The following MYCBP2 variants were observed in gnomAD, a reference collection of about 807,000 sequenced individuals.
MYCBP2 encodes E3 ubiquitin-protein ligase MYCBP2.
Under a neutral mutation model 525.3 loss-of-function variants are expected in MYCBP2, and 120 were observed. The observed-to-expected ratio is 0.23, with a 90% CI of 0.20 to 0.27. The LOEUF (loss-of-function observed/expected upper bound fraction) is 0.27. Among genes scored for constraint, MYCBP2 ranks in the 10% least tolerant of loss-of-function variants. The pLI is 1.00. For synonymous variants in MYCBP2, 1,894 were observed against 1,955.8 expected (o/e 0.97, Z 0.83); for missense variants, 4,149 against 5,657.1 (o/e 0.73, Z 8.55).
rs145021130 is a variant in MYCBP2, at chr13:77,081,634, C to A, written c.11211G>T (p.Met3737Ile). Residue 3737 changes from methionine (M) to isoleucine (I), a missense_variant, in exon 65 of 83, where the codon ATG becomes ATT. Met to Ile is a conservative substitution (Grantham distance 10, BLOSUM62 1). Around this residue, in one of 21 missense-constraint regions of MYCBP2, gnomAD observed 509 missense variants for 789.4 expected, o/e 0.64. Coordinates refer to ENST00000544440, the MANE Select transcript of MYCBP2 (RefSeq NM_015057.5). This position sits in a 1 kb window ranked among gnomAD's most constrained non-coding sequence, Gnocchi z 4.6. ...CAATGCTGGTTAAGTCCTTTAAGCA[C>A]ATTACTATGCATAATTCCTATCAGA... ...EAMSQELCIV[M>I]CLKDLTSIVD... 6 of 1,609,098 alleles carry A rather than the reference C, an allele frequency of 3.7e-6. No individual in the cohort carries two copies. The highest frequency in any genetic ancestry group is 1.3e-5 in the African/African-American group (1 of 74,568).
At chr13:77,130,546 T>C (rs7998168) in intron 52 of MYCBP2, among the ~76,000 whole-genome samples, 11 of 151,954 alleles carry the variant, frequency 7.2e-5, no homozygotes, top group African/African-American at 2.7e-4. Context: ...TACAAATAAA[T>C]GTAAACCAAA....
At chr13:77,119,612 T>C (rs1317005385) in intron 55 of MYCBP2, among the ~76,000 whole-genome samples, 1 of 152,314 alleles carries the variant, frequency 6.6e-6, no homozygotes, top group East Asian at 1.9e-4. Context: ...GGAACTACTG[T>C]TACAGATAAT....
rs956522232 is a variant in MYCBP2 at position 77,243,195 on chromosome 13, C to T, written c.2528-35G>A. The T allele has an allele frequency of 1.0e-5, 15 of 1,431,466 alleles. No individual in the cohort carries two copies. The African/African-American group carries it at 2.0e-4, about 19-fold the overall frequency. 88.7% of individuals were successfully genotyped at this position (1,431,466 alleles called of 1,614,324 possible). On this transcript the variant is annotated intron_variant, in intron 16 of 82. Coordinates refer to ENST00000544440, the MANE Select transcript of MYCBP2 (RefSeq NM_015057.5). ...TGGCCAAAAACAACAACAACAACAACATATATGTTATATAATAGCTATGAC... is the reference window on the plus strand; with the variant it reads ...TGGCCAAAAACAACAACAACAACAATATATATGTTATATAATAGCTATGAC...
intron 2 of MYCBP2, 67 bp downstream of exon 2, chr13:77,296,532 C>A: frequency 6.8e-7 from 1 of 1,480,686 alleles, no homozygotes; most frequent in Non-Finnish European, 8.9e-7. Flanking sequence ...ATTTTTTAAT[C>A]TTGGCATTTT....
At chr13:77,282,388 C>A (rs2076284137) in intron 3 of MYCBP2, among the ~76,000 whole-genome samples, 2 of 145,220 alleles carry the variant, frequency 1.4e-5, no homozygotes, top group African/African-American at 2.6e-5. Flanking sequence ...TCAGCCTGGG[C>A]AAGCAGAGTG....
In MYCBP2 at chr13:77,185,416, T is replaced by C. The variant is rs557370262; in HGVS notation, c.4445-39A>G. The C allele has an allele frequency of 1.9e-6, 3 of 1,571,632 alleles. No homozygotes were observed. The South Asian group carries it at 3.5e-5, about 19-fold the overall frequency. The stretch of plus-strand genomic sequence containing the variant: ...AAAGCAGATTGGTAATTAAGCAAAA[T>C]ATTAAATATGCATGAAAACAATCAA... On this transcript the variant is annotated intron_variant, in intron 31 of 82. Transcript: ENST00000544440.
intron 80 of MYCBP2, among the ~76,000 whole-genome samples, chr13:77,052,324 G>A (rs1009062100): frequency 6.6e-6 from 1 of 152,224 alleles, no homozygotes; most frequent in East Asian, 1.9e-4. Flanking sequence ...TCAGCCTCCT[G>A]AGTGGCTAGG....
chr13:77,322,998 C>T (rs2081870800), intron 1 of MYCBP2, among the ~76,000 whole-genome samples: 1 of 152,186 alleles, frequency 6.6e-6, no homozygotes, highest in African/African-American at 2.4e-5. Context: ...CTTGCCTTCT[C>T]TTCAAGTCCC....
At chr13:77,073,102 C>T (rs2041668186) in intron 68 of MYCBP2, among the ~76,000 whole-genome samples, 1 of 152,004 alleles carries the variant, frequency 6.6e-6, no homozygotes, top group African/African-American at 2.4e-5. Context: ...AATATTACAG[C>T]ATTTTTATTA....
In MYCBP2 at chr13:77,045,336, T is replaced by C. The variant is rs143710456; in HGVS notation, c.*42A>G. ...AACTTCACCGCATCCTCTTGGGGGA[T>C]GAAGGCAATTTTTCTCTCTGTAGAC... On this transcript the variant is annotated 3_prime_UTR_variant, in exon 83 of 83. Coordinates refer to ENST00000544440, the MANE Select transcript of MYCBP2 (RefSeq NM_015057.5). 5,166 of 1,456,756 alleles carry C rather than the reference T, an allele frequency of 3.5e-3. 112 individuals carry two copies. In the South Asian group the frequency reaches 0.039, roughly 11 times the overall value. 90.2% of individuals were successfully genotyped at this position (1,456,756 alleles called of 1,614,324 possible).
At chr13:77,282,147 A>G (rs982877309) in intron 3 of MYCBP2, among the ~76,000 whole-genome samples, 5 of 152,196 alleles carry the variant, frequency 3.3e-5, no homozygotes, top group African/African-American at 7.2e-5. Context: ...GTGGTAGCTC[A>G]CACCTATAAT....
At chr13:77,244,470 A>C (rs1356433990) in intron 15 of MYCBP2, among the ~76,000 whole-genome samples, 1 of 152,218 alleles carries the variant, frequency 6.6e-6, no homozygotes, top group Non-Finnish European at 1.5e-5. Context: ...ATATGCAGAA[A>C]ACTGAAACTG....
At chr13:77,243,552 G>A (rs1240221964) in intron 16 of MYCBP2, among the ~76,000 whole-genome samples, 1 of 151,474 alleles carries the variant, frequency 6.6e-6, no homozygotes, top group African/African-American at 2.4e-5. Context: ...GGCGGAGGTT[G>A]CAGTGAGCTG....
rs377363501 is a variant in MYCBP2, at chr13:77,087,846, T to C, written c.10726-213A>G. 3.2e-5 allele frequency: 13 copies of C among 406,272 alleles called. No homozygotes were observed. In the East Asian group the frequency reaches 4.6e-4, roughly 14 times the overall value. 25.2% of individuals were successfully genotyped at this position (406,272 alleles called of 1,614,324 possible). On this transcript the variant is annotated intron_variant, in intron 61 of 82. Coordinates refer to ENST00000544440, the MANE Select transcript of MYCBP2 (RefSeq NM_015057.5). ...CCCAGGTTGGAGTACAGTGGTGTGA[T>C]CATGGCTCACTGCAGCCTCAAGCAC... is the stretch of plus-strand genomic sequence containing the variant.
At chr13:77,174,201 T>C in intron 37 of MYCBP2, 110 bp downstream of exon 37, 1 of 871,306 alleles carries the variant, frequency 1.1e-6, no homozygotes, top group Non-Finnish European at 1.7e-6. Flanking sequence ...GCTAAGAAGA[T>C]ACACTGTACA....
intron 82 of MYCBP2, among the ~76,000 whole-genome samples, chr13:77,048,497 C>T (rs1566264402): frequency 1.3e-5 from 2 of 152,140 alleles, no homozygotes; most frequent in African/African-American, 2.4e-5. Flanking sequence ...GGCCATCTTC[C>T]CTACTCACAT....
At chr13:77,294,566 G>A (rs1214707510) in intron 2 of MYCBP2, among the ~76,000 whole-genome samples, 1 of 151,952 alleles carries the variant, frequency 6.6e-6, no homozygotes, top group African/African-American at 2.4e-5. Context: ...ACCTCTTCCT[G>A]GATATCATAT....
chr13:77,200,599 C>T (rs963270684), intron 26 of MYCBP2, among the ~76,000 whole-genome samples: 1 of 152,036 alleles, frequency 6.6e-6, no homozygotes, highest in Admixed American at 6.5e-5. Context: ...GTCAGATTTA[C>T]CAAAGTTGAA....
Position 77,190,308 on chromosome 13 carries a change from C to A in MYCBP2, c.4098G>T (p.Lys1366Asn). The A allele has an allele frequency of 6.2e-7, 1 of 1,609,196 alleles. No homozygotes were observed. ...TAACATCTGTACCATTATTTGATTT[C>A]TTTGAACTCTTGAACTGGAAAACAA... Reference protein sequence around the residue: ...DGVVFQFKSSKKSNNGTDVNA... With the variant: ...DGVVFQFKSSNKSNNGTDVNA... The change falls in exon 29 of 83, where the codon AAG becomes AAT. Residue 1366 changes from lysine (K) to asparagine (N), a missense_variant. Coordinates refer to ENST00000544440, the MANE Select transcript of MYCBP2 (RefSeq NM_015057.5).
Sources: allele counts gnomAD v4.1 joint callset (sites outside exome capture counted in the v4.1 genomes callset), GRCh38; gene constraint gnomAD v4.1.1; regional missense constraint gnomAD v4.1.1; non-coding constraint Gnocchi (gnomAD v3.1); transcripts MANE v1.5; gene names NCBI Gene and HGNC (gene_info 2026-07-23, HGNC 2026-07-21).